Variants in GPR158 observed in about 807,000 individuals in gnomAD.
GPR158 encodes the protein metabotropic glycine receptor.
GPR158 carries 30 observed loss-of-function variants against 78.2 expected under a neutral mutation model. The observed-to-expected ratio is 0.38, with a 90% CI of 0.29 to 0.52. The LOEUF is 0.52. Among genes scored for constraint, GPR158 ranks in the 20% least tolerant of loss-of-function variants. The pLI, the probability that GPR158 is intolerant of heterozygous loss-of-function variation, is 0.83. For missense variants in GPR158, 1,463 were observed against 1,523.5 expected (o/e 0.96, Z 0.66); for synonymous variants, 581 against 591.1 (o/e 0.98, Z 0.25).
chr10:25,379,687 G>A (rs1315641706), intron 2 of GPR158, among the ~76,000 whole-genome samples: 2 of 96,924 alleles, frequency 2.1e-5, no homozygotes, highest in Non-Finnish European at 4.4e-5. Flanking sequence ...TTCTCTCTGA[G>A]ATTTTGTCTT....
intron 7 of GPR158, among the ~76,000 whole-genome samples, chr10:25,586,390 A>ATTTTTTTTTTTTTTTTTTT (rs1564498202): frequency 7.6e-6 from 1 of 130,942 alleles, no homozygotes. Context: ...GGTATGTGTG[A>ATTTTTTTTTTTTTTTTTTT]ATTTTTTTTT....
chr10:25,578,177 T>C (rs11014623), intron 7 of GPR158, among the ~76,000 whole-genome samples: 33,088 of 152,212 alleles, frequency 0.22, 4,577 homozygotes, highest in Non-Finnish European at 0.31. Context: ...TAAATATATT[T>C]TCTGTAGCTC....
chr10:25,212,360 G>A (rs188403512), intron 1 of GPR158, among the ~76,000 whole-genome samples: 105 of 152,166 alleles, frequency 6.9e-4, no homozygotes, highest in Admixed American at 9.8e-4. Context: ...TTGGACAACC[G>A]GAACTTACGA....
chr10:25,413,683 T>G (rs1397318257), intron 4 of GPR158, among the ~76,000 whole-genome samples: 1 of 152,240 alleles, frequency 6.6e-6, no homozygotes. Flanking sequence ...GCATCTATTA[T>G]GAAGCCTCAA....
At chr10:25,425,705 A>G (rs1228303580) in intron 4 of GPR158, among the ~76,000 whole-genome samples, 1 of 150,778 alleles carries the variant, frequency 6.6e-6, no homozygotes, top group African/African-American at 2.5e-5. Flanking sequence ...AGCAAGAACA[A>G]AACAAACAAT....
intron 5 of GPR158, among the ~76,000 whole-genome samples, chr10:25,498,252 CT>C (rs1221325539): frequency 6.6e-6 from 1 of 152,192 alleles, no homozygotes; most frequent in Non-Finnish European, 1.5e-5. Context: ...ACTATCCCGA[CT>C]TCTTTCGGAA....
intron 1 of GPR158, among the ~76,000 whole-genome samples, chr10:25,208,652 T>A (rs1397797450): frequency 6.6e-6 from 1 of 151,146 alleles, no homozygotes; most frequent in African/African-American, 2.4e-5. Flanking sequence ...TGGAACTGTG[T>A]CACATTGTGC....
intron 7 of GPR158, among the ~76,000 whole-genome samples, chr10:25,576,054 GTTGT>G (rs957270926): frequency 1.1e-4 from 15 of 139,820 alleles, no homozygotes; most frequent in African/African-American, 1.5e-4. Context: ...GAATTCTGTT[GTTGT>G]TTTTTTTTTC....
chr10:25,292,436 T>C (rs1348580656), intron 2 of GPR158, among the ~76,000 whole-genome samples: 1 of 152,130 alleles, frequency 6.6e-6, no homozygotes, highest in East Asian at 1.9e-4. Flanking sequence ...CTTTCCTTTT[T>C]GATGACTTTC....
intron 2 of GPR158, among the ~76,000 whole-genome samples, chr10:25,383,047 G>A (rs1362057056): frequency 6.6e-6 from 1 of 152,068 alleles, no homozygotes; most frequent in Non-Finnish European, 1.5e-5. Flanking sequence ...ATGTTGGCCA[G>A]GCTGGTCTGG....
intron 5 of GPR158, among the ~76,000 whole-genome samples, chr10:25,489,909 T>A (rs1241546011): frequency 6.6e-6 from 1 of 152,072 alleles, no homozygotes; most frequent in Non-Finnish European, 1.5e-5. Context: ...TGTTAGAAAA[T>A]ATAGAAGACT....
At chr10:25,368,832 C>T (rs1346045394) in intron 2 of GPR158, among the ~76,000 whole-genome samples, 9 of 143,870 alleles carry the variant, frequency 6.3e-5, no homozygotes, top group African/African-American at 1.3e-4. Context: ...TGTTTGTATC[C>T]TCTTTTATTT....
At chr10:25,188,771 A>G (rs1852726490) in intron 1 of GPR158, among the ~76,000 whole-genome samples, 1 of 152,230 alleles carries the variant, frequency 6.6e-6, no homozygotes, top group South Asian at 2.1e-4. Context: ...ACAGAAGCCA[A>G]AATTGACAAA....
intron 2 of GPR158, among the ~76,000 whole-genome samples, chr10:25,270,354 G>A (rs926050206): frequency 6.6e-6 from 1 of 152,098 alleles, no homozygotes; most frequent in Admixed American, 6.6e-5. Context: ...ATGTGCAGGG[G>A]AACTGAATAT....
chr10:25,523,680 TA>T (rs1836308566), intron 5 of GPR158, among the ~76,000 whole-genome samples: 1 of 152,104 alleles, frequency 6.6e-6, no homozygotes, highest in Non-Finnish European at 1.5e-5. Context: ...ATAGAACACC[TA>T]AACAGAAGAT....
At chr10:25,259,135 G>C (rs2130731687) in intron 2 of GPR158, among the ~76,000 whole-genome samples, 1 of 152,286 alleles carries the variant, frequency 6.6e-6, no homozygotes, top group East Asian at 1.9e-4. Context: ...AAAAGTTGCA[G>C]AGGCAGAGGA....
Position 25,249,000 on chromosome 10 carries a change from G to A in GPR158, c.1008+27843G>A, listed in dbSNP as rs901776458. Among the ~76,000 whole-genome samples, 391 of 150,422 alleles carry A rather than the reference G, an allele frequency of 2.6e-3. 2 individuals are homozygous for A. The highest frequency in any genetic ancestry group is 0.01 in the Middle Eastern group (3 of 294). ...TCCTCTTTTATTTCCATGAGCAGTG[G>A]TTTGTAGTTCTCCTTGAAGAGGTCC... On this transcript the variant is annotated intron_variant, in intron 2 of 10. Coordinates refer to ENST00000376351, the MANE Select transcript of GPR158 (RefSeq NM_020752.3).
At chr10:25,525,897 AG>A (rs1836340729) in intron 5 of GPR158, among the ~76,000 whole-genome samples, 2 of 152,090 alleles carry the variant, frequency 1.3e-5, no homozygotes, top group Admixed American at 1.3e-4. Context: ...ACCTGAGGTC[AG>A]GAGTTCGAGA....
chr10:25,221,944 A>G (rs1853304483), intron 2 of GPR158, among the ~76,000 whole-genome samples: 1 of 152,196 alleles, frequency 6.6e-6, no homozygotes, highest in African/African-American at 2.4e-5. Flanking sequence ...TAGAGGGGAT[A>G]TTTCCACAAA....
Sources: gnomAD v4.1 joint callset for allele counts (sites outside exome capture counted in the v4.1 genomes callset) on GRCh38, gnomAD v4.1.1 for gene constraint, MANE v1.5 for transcripts, NCBI Gene and HGNC (gene_info 2026-07-23, HGNC 2026-07-21) for gene names.